The following CSGALNACT1 variants were observed in gnomAD, a reference collection of about 807,000 sequenced individuals.
CSGALNACT1 encodes chondroitin sulfate N-acetylgalactosaminyltransferase 1.
In CSGALNACT1, 52 loss-of-function variants were observed where a neutral mutation model predicts 51.0. The ratio of observed to expected loss-of-function variants is 1.02; its 90% CI spans 0.82 to 1.29. The LOEUF (loss-of-function observed/expected upper bound fraction) is 1.29, where lower values mean the gene tolerates loss of function less well. Ranked by LOEUF, CSGALNACT1 falls within the 50% of genes most tolerant of loss-of-function variation. The pLI, the probability that CSGALNACT1 is intolerant of heterozygous loss-of-function variation, is 0.00. For missense variants in CSGALNACT1, 935 were observed against 679.2 expected, an observed-to-expected ratio of 1.38 and a Z score of -4.19; for synonymous variants, 341 against 254.4, an observed-to-expected ratio of 1.34 and a Z score of -3.24.
chr8:19,514,475 C>CTATATATATA (rs33928915), intron 3 of CSGALNACT1, among the ~76,000 whole-genome samples: 1,549 of 78,430 alleles, frequency 0.02, 122 homozygotes, highest in Non-Finnish European at 0.024. Context: ...TGAACAGAGA[C>CTATATATATA]TATATATATA....
chr8:19,696,634 G>A (rs1010477430), intron 1 of CSGALNACT1, among the ~76,000 whole-genome samples: 4 of 152,130 alleles, frequency 2.6e-5, no homozygotes, highest in Admixed American at 2.0e-4. Context: ...GTGTGACTCC[G>A]AGCAAGACAT....
intron 3 of CSGALNACT1, among the ~76,000 whole-genome samples, chr8:19,510,815 T>C (rs889547086): frequency 6.6e-6 from 1 of 152,252 alleles, no homozygotes; most frequent in Non-Finnish European, 1.5e-5. Flanking sequence ...TTACAGATAC[T>C]GTTTACCATT....
intron 3 of CSGALNACT1, among the ~76,000 whole-genome samples, chr8:19,572,113 C>A (rs1461995010): frequency 2.0e-5 from 3 of 152,138 alleles, no homozygotes; most frequent in African/African-American, 4.8e-5. Context: ...AGAAAAACAT[C>A]GGCAACAACA....
intron 3 of CSGALNACT1, among the ~76,000 whole-genome samples, chr8:19,576,560 T>G (rs1199650000): frequency 7.7e-6 from 1 of 130,558 alleles, no homozygotes; most frequent in Non-Finnish European, 1.7e-5. Flanking sequence ...TCGGTGGTCA[T>G]CACAGATGAT....
At chr8:19,686,659 C>T (rs2060995388), upstream of CSGALNACT1, among the ~76,000 whole-genome samples, 1 of 152,222 alleles carries the variant, frequency 6.6e-6, no homozygotes, top group Non-Finnish European at 1.5e-5. Flanking sequence ...TTCAATTCCT[C>T]TGCAAACTGG....
intron 1 of CSGALNACT1, among the ~76,000 whole-genome samples, chr8:19,630,998 G>A (rs1317948980): frequency 6.6e-6 from 1 of 152,102 alleles, no homozygotes; most frequent in African/African-American, 2.4e-5. Context: ...TTTCATTGGA[G>A]CTCGCTGGGT....
intron 3 of CSGALNACT1, among the ~76,000 whole-genome samples, chr8:19,555,009 C>G (rs4549790): frequency 0.33 from 50,207 of 151,036 alleles, 10,214 homozygotes; most frequent in African/African-American, 0.59. Flanking sequence ...GGACGCCGAG[C>G]GGGGGTGAAT....
At chr8:19,635,991 A>G (rs1242076709) in intron 1 of CSGALNACT1, among the ~76,000 whole-genome samples, 2 of 152,132 alleles carry the variant, frequency 1.3e-5, no homozygotes, top group African/African-American at 4.8e-5. Context: ...TGATCTTCCA[A>G]TGTGCTGAGA....
At chr8:19,667,661 G>GGT (rs1287698974) in intron 1 of CSGALNACT1, among the ~76,000 whole-genome samples, 1 of 151,178 alleles carries the variant, frequency 6.6e-6, no homozygotes, top group Non-Finnish European at 1.5e-5. Context: ...GAAACCCTAA[G>GGT]ACTAACGTCT....
intron 1 of CSGALNACT1, among the ~76,000 whole-genome samples, chr8:19,632,661 T>C (rs1233405676): frequency 1.3e-5 from 2 of 152,222 alleles, no homozygotes; most frequent in African/African-American, 2.4e-5. Context: ...AGTAAAACAC[T>C]GAAATACTCA....
chr8:19,665,083 G>C (rs994056019), intron 1 of CSGALNACT1, among the ~76,000 whole-genome samples: 1 of 152,088 alleles, frequency 6.6e-6, no homozygotes, highest in African/African-American at 2.4e-5. Flanking sequence ...AGATGACCTT[G>C]GCTCACTGCA....
At chr8:19,711,000 C>G (rs1270056888) in intron 1 of CSGALNACT1, among the ~76,000 whole-genome samples, 2 of 152,110 alleles carry the variant, frequency 1.3e-5, no homozygotes, top group Non-Finnish European at 2.9e-5. Flanking sequence ...AAGATTGGCC[C>G]TGTGGTTCAT....
chr8:19,595,345 T>A (rs192573239), intron 2 of CSGALNACT1, among the ~76,000 whole-genome samples: 234 of 152,320 alleles, frequency 1.5e-3, no homozygotes, highest in Admixed American at 3.2e-3. Context: ...TGGATTCCAA[T>A]CCAAGAATTG....
At chr8:19,443,698 A>G (rs529440882) in intron 5 of CSGALNACT1, among the ~76,000 whole-genome samples, 2 of 152,326 alleles carry the variant, frequency 1.3e-5, no homozygotes, top group East Asian at 3.9e-4. Flanking sequence ...ACACATGGAG[A>G]TTACAATTCA....
chr8:19,532,347 G>A (rs577044945), intron 3 of CSGALNACT1, among the ~76,000 whole-genome samples: 18 of 152,182 alleles, frequency 1.2e-4, no homozygotes, highest in African/African-American at 4.3e-4. Flanking sequence ...GGGCAGTGAG[G>A]AACAATTAGG....
chr8:19,560,460 A>G (rs1564052198), intron 3 of CSGALNACT1, among the ~76,000 whole-genome samples: 1 of 152,208 alleles, frequency 6.6e-6, no homozygotes, highest in Admixed American at 6.5e-5. Flanking sequence ...GACATGCCAC[A>G]GAGTAGGAAA....
At position 19,510,350 on chromosome 8, in the gene CSGALNACT1, G is replaced by C. The variant is rs560409459; in HGVS notation, c.-296-4220C>G. On this transcript the variant is annotated intron_variant, in intron 3 of 9. Coordinates refer to ENST00000454498, the Ensembl canonical transcript of CSGALNACT1. Reference sequence around the variant, plus strand: ...ACACTCCTGCAGAGCAATGCTTGTAGGACTCACTCCGATCTGAGACCCAGA... The same window carrying C: ...ACACTCCTGCAGAGCAATGCTTGTACGACTCACTCCGATCTGAGACCCAGA... Among the ~76,000 whole-genome samples, 19 of 152,260 alleles carry C rather than the reference G, an allele frequency of 1.2e-4. No individual in the cohort carries two copies. The East Asian group carries it at 3.7e-3, about 29-fold the overall frequency.
chr8:19,752,053 TAAC>T (rs917459003), intron 1 of CSGALNACT1, among the ~76,000 whole-genome samples: 6 of 136,210 alleles, frequency 4.4e-5, no homozygotes, highest in Non-Finnish European at 7.7e-5. Context: ...ATATAATATA[TAAC>T]AATATATTTT....
chr8:19,505,843 C>T lies in CSGALNACT1; in HGVS notation c.-9G>A. ...CGGCGAACCATCATCATTCAGGAATCAGCCATGCGTCCAGAACCGGTGGCA... is the reference window on the plus strand; with the variant it reads ...CGGCGAACCATCATCATTCAGGAATTAGCCATGCGTCCAGAACCGGTGGCA... On this transcript the variant is annotated 5_prime_UTR_variant, in exon 4 of 10. It removes the in-frame stop codon of an upstream open reading frame in the 5' UTR. Transcript: ENST00000454498. 6.2e-7 allele frequency: 1 copy of T among 1,608,438 alleles called. No homozygotes were observed. The highest frequency in any genetic ancestry group is 1.1e-5 in the South Asian group (1 of 91,076).
Sources: allele counts gnomAD v4.1 joint callset (sites outside exome capture counted in the v4.1 genomes callset), GRCh38; gene constraint gnomAD v4.1.1; transcripts MANE v1.5; gene names NCBI Gene and HGNC (gene_info 2026-07-23, HGNC 2026-07-21).